CDIN1: variants seen among roughly 807,000 people sequenced by gnomAD.
CDIN1 encodes the protein CDAN1 interacting nuclease 1, also known as CDAN1-interacting nuclease 1.
A neutral mutation model predicts 45.3 loss-of-function variants in CDIN1; 33 were observed. That is an observed-to-expected ratio of 0.73 (90% confidence interval 0.55 to 0.97). The LOEUF is 0.97. CDIN1 is among the 50% of genes least tolerant of loss of function. CDIN1 has a pLI of 0.00. For missense variants in CDIN1, 303 were observed against 339.4 expected (o/e 0.89, Z 0.84); for synonymous variants, 118 against 124.4 (o/e 0.95, Z 0.34).
At chr15:36,607,856 G>A (rs949770961) in intron 1 of CDIN1, among the ~76,000 whole-genome samples, 2 of 152,042 alleles carry the variant, frequency 1.3e-5, no homozygotes, top group African/African-American at 4.8e-5. Context: ...CATCAGGCAT[G>A]GCTCCCCATT....
At chr15:36,697,502 A>T in intron 8 of CDIN1, 112 bp downstream of exon 8, 1 of 841,386 alleles carries the variant, frequency 1.2e-6, no homozygotes, top group South Asian at 1.9e-5. Flanking sequence ...TGCTGTGCAT[A>T]TTATCTTTTA....
chr15:36,764,214 G>GTTT (rs11297312), intron 10 of CDIN1, among the ~76,000 whole-genome samples: 3 of 116,292 alleles, frequency 2.6e-5, no homozygotes, highest in Non-Finnish European at 3.7e-5. Flanking sequence ...TGTGGTTTTG[G>GTTT]TTTTTTTTTT....
intron 5 of CDIN1, among the ~76,000 whole-genome samples, chr15:36,670,911 A>T (rs571901802): frequency 6.6e-6 from 1 of 152,226 alleles, no homozygotes; most frequent in East Asian, 1.9e-4. Flanking sequence ...GAGGAAAAAA[A>T]AACACTAAAT....
At chr15:36,765,461 T>C (rs1373328109) in intron 10 of CDIN1, among the ~76,000 whole-genome samples, 1 of 152,130 alleles carries the variant, frequency 6.6e-6, no homozygotes, top group Non-Finnish European at 1.5e-5. Flanking sequence ...ACCAACACGG[T>C]AGGTGAGATG....
intron 5 of CDIN1, among the ~76,000 whole-genome samples, chr15:36,670,162 C>T (rs567754144): frequency 6.6e-6 from 1 of 152,140 alleles, no homozygotes; most frequent in African/African-American, 2.4e-5. Context: ...TCCCACTAAA[C>T]AACTTTTATT....
chr15:36,585,926 A>G (rs2140165201), intron 1 of CDIN1, among the ~76,000 whole-genome samples: 1 of 152,280 alleles, frequency 6.6e-6, no homozygotes, highest in South Asian at 2.1e-4. Context: ...GCTAACCTGT[A>G]CTGTGACTCA....
At chr15:36,700,126 T>C (rs979836512) in intron 8 of CDIN1, among the ~76,000 whole-genome samples, 1 of 152,188 alleles carries the variant, frequency 6.6e-6, no homozygotes, top group Non-Finnish European at 1.5e-5. Flanking sequence ...ACACAGATAA[T>C]TTCTAACAGT....
rs151292684 is a variant in CDIN1, at chr15:36,731,858, T to C, written c.716+21897T>C. Among the ~76,000 whole-genome samples, 672 of 152,310 alleles carry C rather than the reference T, an allele frequency of 4.4e-3. 8 individuals carry two copies. Among genetic ancestry groups the C allele is most frequent in the Admixed American group, 0.037 (572 of 15,290 alleles). ...ATTATTAAAAAACAATTCTCAATTA[T>C]TTCTTATACATTCTAAGGAAGATAT... On this transcript the variant is annotated intron_variant, in intron 10 of 10. Transcript: ENST00000566621.
intron 10 of CDIN1, among the ~76,000 whole-genome samples, chr15:36,752,597 T>C (rs2053505160): frequency 6.6e-6 from 1 of 152,216 alleles, no homozygotes; most frequent in Non-Finnish European, 1.5e-5. Flanking sequence ...TAATGCAAAT[T>C]AACAGTTGTT....
At chr15:36,680,288 C>A (rs1445982671) in intron 5 of CDIN1, among the ~76,000 whole-genome samples, 2 of 152,140 alleles carry the variant, frequency 1.3e-5, no homozygotes, top group African/African-American at 2.4e-5. Flanking sequence ...GTTTGGGAGT[C>A]CAACTTCTTA....
rs2053600918 is a variant in CDIN1 at position 36,756,020 on chromosome 15, G to A, written c.716+46059G>A. On this transcript the variant is annotated intron_variant, in intron 10 of 10. Transcript: ENST00000566621. ...ACCAGGTCTTTATCACCTCTGTGCT[G>A]AGTCCAGCAAGGAGAAGCGTTGATG... is the stretch of plus-strand genomic sequence containing the variant. 8.8e-6 allele frequency: 4 copies of A among 455,808 alleles called. No individual in the cohort carries two copies. The Admixed American group carries it at 9.4e-5, about 11-fold the overall frequency. 28.2% of individuals were successfully genotyped at this position (455,808 alleles called of 1,614,324 possible). A position where few individuals can be genotyped will look rare whatever the true frequency, so the allele number is the denominator to read the frequency against.
At chr15:36,600,382 G>A (rs2038038795) in intron 1 of CDIN1, among the ~76,000 whole-genome samples, 1 of 152,220 alleles carries the variant, frequency 6.6e-6, no homozygotes, top group African/African-American at 2.4e-5. Context: ...TATGGTGCCT[G>A]TAGTTCACGA....
intron 10 of CDIN1, among the ~76,000 whole-genome samples, chr15:36,742,070 C>T (rs977822497): frequency 5.3e-5 from 8 of 151,908 alleles, no homozygotes; most frequent in South Asian, 2.1e-4. Flanking sequence ...AAAATAAAAG[C>T]GTAGATGAAA....
At chr15:36,740,897 A>C (rs1173759824) in intron 10 of CDIN1, among the ~76,000 whole-genome samples, 1 of 152,104 alleles carries the variant, frequency 6.6e-6, no homozygotes, top group African/African-American at 2.4e-5. Flanking sequence ...CTCAAAAAAA[A>C]AAAAAAATTA....
At chr15:36,635,950 AC>A (rs1405100480) in intron 1 of CDIN1, among the ~76,000 whole-genome samples, 2 of 152,110 alleles carry the variant, frequency 1.3e-5, no homozygotes, top group Non-Finnish European at 2.9e-5. Flanking sequence ...ATGAAGAGAA[AC>A]TAAGAAACAG....
At chr15:36,668,310 A>G (rs1017434798) in intron 5 of CDIN1, 1 of 152,196 alleles carries the variant, frequency 6.6e-6, no homozygotes, top group Non-Finnish European at 1.5e-5. Flanking sequence ...CATGTAAAAC[A>G]TTTCAATAGA....
intron 5 of CDIN1, among the ~76,000 whole-genome samples, chr15:36,680,988 A>C (rs2041830620): frequency 6.6e-6 from 1 of 152,162 alleles, no homozygotes; most frequent in Non-Finnish European, 1.5e-5. Context: ...CTCCCAATAA[A>C]AATTTACAAG....
chr15:36,691,695 T>C lies in CDIN1; in HGVS notation c.357T>C (p.Ser119=). The change falls in exon 6 of 11, where the codon TCT becomes TCC. Residue 119 remains serine, a synonymous_variant. Transcript: ENST00000566621. The part of the protein sequence containing the change: ...QEHEETPPSK[S]IINSMLRDPS... ...TCTTTTCTTCTACAGCCTCCAAGTC[T>C]ATTATAAATAGTATGCTACGGGACC... 1 of 1,597,244 alleles carries C rather than the reference T, an allele frequency of 6.3e-7. No individual in the cohort carries two copies. Among genetic ancestry groups the C allele is most frequent in the Non-Finnish European group, 8.5e-7 (1 of 1,169,782 alleles).
chr15:36,651,668 G>A (rs1236942909), intron 3 of CDIN1, among the ~76,000 whole-genome samples: 1 of 151,976 alleles, frequency 6.6e-6, no homozygotes, highest in Non-Finnish European at 1.5e-5. Context: ...ACTAGGCCTC[G>A]AGGGATCAGG....
Sources: gnomAD v4.1 joint callset for allele counts (sites outside exome capture counted in the v4.1 genomes callset) on GRCh38, gnomAD v4.1.1 for gene constraint, MANE v1.5 for transcripts, NCBI Gene and HGNC (gene_info 2026-07-23, HGNC 2026-07-21) for gene names.